PCYT1A: variants seen among roughly 807,000 people sequenced by gnomAD.
The protein encoded by PCYT1A is phosphate cytidylyltransferase 1A, choline.
A neutral mutation model predicts 43.7 loss-of-function variants in PCYT1A; 25 were observed. The ratio of observed to expected loss-of-function variants is 0.57; its 90% CI spans 0.42 to 0.80. The LOEUF (loss-of-function observed/expected upper bound fraction) is 0.80, where lower values mean the gene tolerates loss of function less well. Ranked by LOEUF, PCYT1A falls within the 30% of genes least tolerant of loss-of-function variation. The pLI is 0.00. For missense variants in PCYT1A, 421 were observed against 474.2 expected, an observed-to-expected ratio of 0.89 and a Z score of 1.04; for synonymous variants, 172 against 170.7, an observed-to-expected ratio of 1.01 and a Z score of -0.06.
intron 2 of PCYT1A, among the ~76,000 whole-genome samples, chr3:196,262,032 T>A (rs1297388729): frequency 6.6e-6 from 1 of 152,198 alleles, no homozygotes; most frequent in African/African-American, 2.4e-5. Context: ...AGTATTTTTT[T>A]AAAACACTGT....
At chr3:196,262,945 C>T (rs1174986212) in intron 2 of PCYT1A, among the ~76,000 whole-genome samples, 2 of 152,064 alleles carry the variant, frequency 1.3e-5, no homozygotes, top group African/African-American at 2.4e-5. Context: ...CAGGCACCCA[C>T]CACTGCGCCT....
At chr3:196,251,219 A>G (rs1724770891) in intron 3 of PCYT1A, among the ~76,000 whole-genome samples, 1 of 151,102 alleles carries the variant, frequency 6.6e-6, no homozygotes, top group South Asian at 2.1e-4. Flanking sequence ...GAGGCTGAGG[A>G]CCAGATACAC....
chr3:196,249,324 T>TTG (rs1724675752), intron 3 of PCYT1A, among the ~76,000 whole-genome samples: 1 of 149,920 alleles, frequency 6.7e-6, no homozygotes, highest in Non-Finnish European at 1.5e-5. Flanking sequence ...TTTTTTTTTT[T>TTG]TTTTTTTGTA....
In PCYT1A at chr3:196,238,823, G is replaced by T; in HGVS notation, c.969C>A (p.Ser323Arg). Residue 323 changes from serine (S) to arginine (R), a missense_variant, in exon 9 of 9, where the codon AGC (serine) becomes AGA (arginine). Ser to Arg is a moderately radical substitution (Grantham distance 110). This residue lies in a region of PCYT1A where 108 missense variants were observed against 85.7 expected (regional missense o/e 1.26). Coordinates refer to ENST00000431016, the MANE Select transcript of PCYT1A (RefSeq NM_001312673.2). ...GGGAGGGGGAGCGCTCGCGAGTAGG[G>T]CTGCTGCTGGGGCTCTGCTTCGGGC... Reference protein sequence around the residue: ...AISPKQSPSSSPTRERSPSPS... With the variant: ...AISPKQSPSSRPTRERSPSPS... The T allele has an allele frequency of 1.3e-6, 2 of 1,569,732 alleles. No homozygotes were observed. Among genetic ancestry groups the T allele is most frequent in the Non-Finnish European group, 1.7e-6 (2 of 1,158,722 alleles).
Position 196,237,110 on chromosome 3 carries a change from AG to A in PCYT1A, c.*1577del, listed in dbSNP as rs968346180. ...GATGCTCACAGTCCTAGCAGAGGCA[AG>A]GAAAGAGAAAATGTGGTTTTCTTAG... On this transcript the variant is annotated 3_prime_UTR_variant, in exon 9 of 9. Coordinates refer to ENST00000431016, the MANE Select transcript of PCYT1A (RefSeq NM_001312673.2). The A allele has an allele frequency of 6.6e-6, 1 of 151,660 alleles. No homozygotes were observed. The highest frequency in any genetic ancestry group is 2.4e-5 in the African/African-American group (1 of 41,018). 9.4% of individuals were successfully genotyped at this position (151,660 alleles called of 1,614,324 possible).
rs1560174094 is a variant in PCYT1A at position 196,268,060 on chromosome 3, G to A, written c.117+2355C>T. Among the ~76,000 whole-genome samples, 1 of 151,854 alleles carries A rather than the reference G, an allele frequency of 6.6e-6. No homozygotes were observed. The highest frequency in any genetic ancestry group is 2.4e-5 in the African/African-American group (1 of 41,332). On this transcript the variant is annotated intron_variant, in intron 2 of 8. Transcript: ENST00000431016. The surrounding 1 kb of genome is among the most constrained non-coding windows in gnomAD (Gnocchi z 4.4). The stretch of plus-strand genomic sequence containing the variant: ...GTGGAATAGGTAGCAGCAAGTCACT[G>A]AACTGATTTCACATGAATATATGAA...
At chr3:196,262,607 T>C (rs1409796845) in intron 2 of PCYT1A, among the ~76,000 whole-genome samples, 1 of 152,200 alleles carries the variant, frequency 6.6e-6, no homozygotes, top group Non-Finnish European at 1.5e-5. Context: ...AATGCAATAT[T>C]GCTTCCATAA....
intron 1 of PCYT1A, among the ~76,000 whole-genome samples, chr3:196,279,928 G>A (rs1252317440): frequency 2.0e-5 from 3 of 148,338 alleles, no homozygotes; most frequent in South Asian, 2.2e-4. Flanking sequence ...TCCACCTCCC[G>A]GGTTCAAGCA....
intron 1 of PCYT1A, among the ~76,000 whole-genome samples, chr3:196,276,074 G>A (rs1272602949): frequency 8.0e-5 from 12 of 150,560 alleles, no homozygotes; most frequent in Non-Finnish European, 1.8e-4. Flanking sequence ...TCCAGTCTGG[G>A]CGCCAGAGTG....
Position 196,242,796 on chromosome 3 carries a change from T to C in PCYT1A, c.487-156A>G. ...TTTGCTCATAAATTCTACAATCTAT[T>C]CACAAACCACCCAACCTAATGATTT... On this transcript the variant is annotated intron_variant, in intron 5 of 8. Coordinates refer to ENST00000431016, the MANE Select transcript of PCYT1A (RefSeq NM_001312673.2). The surrounding 1 kb of genome is among the most constrained non-coding windows in gnomAD (Gnocchi z 4.2). The C allele has an allele frequency of 1.6e-6, 1 of 636,764 alleles. No individual in the cohort carries two copies. Among genetic ancestry groups the C allele is most frequent in the Non-Finnish European group, 2.9e-6 (1 of 349,804 alleles). The allele number at this position is 636,764 out of a possible 1,614,324, so 39.4% of individuals were successfully genotyped here.
intron 1 of PCYT1A, among the ~76,000 whole-genome samples, chr3:196,286,059 C>T (rs922601647): frequency 9.9e-5 from 13 of 130,904 alleles, no homozygotes; most frequent in Non-Finnish European, 1.6e-4. Flanking sequence ...ATACCACTGT[C>T]CCTTTTTTTT....
At chr3:196,249,834 A>C (rs1242845542) in intron 3 of PCYT1A, among the ~76,000 whole-genome samples, 1 of 152,104 alleles carries the variant, frequency 6.6e-6, no homozygotes, top group East Asian at 1.9e-4. Context: ...GCTGAGGCTG[A>C]GGACCAGATA....
At position 196,238,716 on chromosome 3, in the gene PCYT1A, T is replaced by C; in HGVS notation, c.1076A>G (p.Tyr359Cys). 9 of 1,578,002 alleles carry C rather than the reference T, an allele frequency of 5.7e-6. No homozygotes were observed. In the South Asian group the frequency reaches 8.1e-5, roughly 14 times the overall value. Reference sequence around the variant, plus strand: ...GTCTTCTTCATCCTCACTGATATCATAGGCTGCAGCCTTGTGCCTGGAGAG... The same window carrying C: ...GTCTTCTTCATCCTCACTGATATCACAGGCTGCAGCCTTGTGCCTGGAGAG... ...ANLSRHKAAAYDISEDEED is the reference protein window; with the variant it reads ...ANLSRHKAAACDISEDEED The change falls in exon 9 of 9, where the codon TAT (tyrosine) becomes TGT (cysteine). Residue 359 changes from tyrosine to cysteine, a missense_variant. Around this residue, in one of 3 missense-constraint regions of PCYT1A, gnomAD observed 108 missense variants for 85.7 expected, o/e 1.26. Transcript: ENST00000431016.
intron 1 of PCYT1A, among the ~76,000 whole-genome samples, chr3:196,275,871 G>T (rs890315617): frequency 6.6e-6 from 1 of 152,122 alleles, no homozygotes; most frequent in Non-Finnish European, 1.5e-5. Context: ...GCCAAGGCAG[G>T]CGGATCACAA....
intron 3 of PCYT1A, among the ~76,000 whole-genome samples, chr3:196,251,936 G>A (rs1456117845): frequency 1.3e-5 from 2 of 152,164 alleles, no homozygotes; most frequent in Non-Finnish European, 2.9e-5. Flanking sequence ...TTGAGACAGG[G>A]TCTGGCTCTG....
chr3:196,239,762 A>C, intron 7 of PCYT1A, 27 bp from the exon 8 acceptor site: 1 of 1,467,762 alleles, frequency 6.8e-7, no homozygotes, highest in Non-Finnish European at 9.5e-7. Flanking sequence ...CTCTTCTGAG[A>C]AATAATGCTC....
intron 1 of PCYT1A, among the ~76,000 whole-genome samples, chr3:196,279,483 C>T (rs1337300218): frequency 6.6e-6 from 1 of 152,102 alleles, no homozygotes; most frequent in African/African-American, 2.4e-5. Flanking sequence ...CTCCAAAGTG[C>T]CCTCGAAATA....
At chr3:196,241,272 C>T (rs967823311) in intron 7 of PCYT1A, among the ~76,000 whole-genome samples, 4 of 151,756 alleles carry the variant, frequency 2.6e-5, no homozygotes, top group African/African-American at 9.7e-5. Context: ...ACTCCAGCCT[C>T]GGTGACAGAG....
At position 196,235,380 on chromosome 3, in the gene PCYT1A, T is replaced by G. The variant is rs1300522928; in HGVS notation, c.*3308A>C. ...ATCAGTGATCAGAAAGTGGCTAAGT[T>G]TCCTTAGCCTCCCTCATATTTTTTC... On this transcript the variant is annotated 3_prime_UTR_variant, in exon 9 of 9. Transcript: ENST00000431016. This position sits in a 1 kb window ranked among gnomAD's most constrained non-coding sequence, Gnocchi z 4.3. 6.6e-6 allele frequency: 1 copy of G among 152,220 alleles called. No individual in the cohort carries two copies. The highest frequency in any genetic ancestry group is 2.4e-5 in the African/African-American group (1 of 41,436). The allele number at this position is 152,220 out of a possible 1,614,324, so 9.4% of individuals were successfully genotyped here. A position where few individuals can be genotyped will look rare whatever the true frequency, so the allele number is the denominator to read the frequency against.
Sources: allele counts gnomAD v4.1 joint callset (sites outside exome capture counted in the v4.1 genomes callset), GRCh38; gene constraint gnomAD v4.1.1; regional missense constraint gnomAD v4.1.1; non-coding constraint Gnocchi (gnomAD v3.1); transcripts MANE v1.5; gene names NCBI Gene and HGNC (gene_info 2026-07-23, HGNC 2026-07-21).